Variants in RCOR1 observed in about 807,000 individuals in gnomAD.
RCOR1 encodes the protein REST corepressor 1.
Under a neutral mutation model 64.0 loss-of-function variants are expected in RCOR1, and 12 were observed. That is an observed-to-expected ratio of 0.19 (90% CI 0.12 to 0.30). RCOR1 has a LOEUF of 0.30. RCOR1 is among the 10% of genes least tolerant of loss of function. The probability of loss-of-function intolerance (pLI) is 1.00; values close to 1 mark genes in which losing one functional copy is unlikely to be tolerated. For missense variants in RCOR1, 502 were observed against 621.2 expected, an observed-to-expected ratio of 0.81 and a Z score of 2.04; for synonymous variants, 279 against 227.2, an observed-to-expected ratio of 1.23 and a Z score of -2.05.
chr14:102,706,602 G>T (rs2139983107), intron 4 of RCOR1, among the ~76,000 whole-genome samples: 1 of 152,194 alleles, frequency 6.6e-6, no homozygotes, highest in Admixed American at 6.5e-5. Context: ...AAAGTGGGTA[G>T]ATCACTTGAG....
intron 2 of RCOR1, among the ~76,000 whole-genome samples, chr14:102,681,204 T>C (rs1199668760): frequency 6.6e-6 from 1 of 152,172 alleles, no homozygotes; most frequent in Non-Finnish European, 1.5e-5. Context: ...CAGAGTAATT[T>C]ATTTAAAGGA....
chr14:102,595,769 C>T (rs988413242), intron 2 of RCOR1, among the ~76,000 whole-genome samples: 1 of 151,800 alleles, frequency 6.6e-6, no homozygotes, highest in Non-Finnish European at 1.5e-5. Flanking sequence ...TTAGTGGAGA[C>T]GGGGTTTCAC....
At chr14:102,600,806 G>A (rs1291155720) in intron 2 of RCOR1, among the ~76,000 whole-genome samples, 1 of 151,402 alleles carries the variant, frequency 6.6e-6, no homozygotes, top group Non-Finnish European at 1.5e-5. Context: ...TCCTGACCTC[G>A]TGATCTGCCC....
At chr14:102,695,983 T>C (rs1441096416) in intron 3 of RCOR1, among the ~76,000 whole-genome samples, 1 of 152,132 alleles carries the variant, frequency 6.6e-6, no homozygotes, top group African/African-American at 2.4e-5. Flanking sequence ...AAAAAAAAGA[T>C]TGTAAAGAGC....
At chr14:102,662,603 T>G (rs891898175) in intron 2 of RCOR1, 13 of 450,206 alleles carry the variant, frequency 2.9e-5, no homozygotes, top group Non-Finnish European at 4.2e-5. Context: ...CTTTTTTTTT[T>G]CCGGCTGTGG....
intron 3 of RCOR1, among the ~76,000 whole-genome samples, chr14:102,684,368 C>T (rs1466595016): frequency 6.6e-6 from 1 of 152,078 alleles, no homozygotes; most frequent in Non-Finnish European, 1.5e-5. Flanking sequence ...GGTGGAAGGG[C>T]CTTGGGGTGC....
At chr14:102,688,538 T>C (rs963500209) in intron 3 of RCOR1, among the ~76,000 whole-genome samples, 2 of 152,120 alleles carry the variant, frequency 1.3e-5, no homozygotes, top group African/African-American at 2.4e-5. Context: ...CAATTCCAAG[T>C]CAGAGAAGTT....
At chr14:102,678,967 A>T (rs1467595683) in intron 2 of RCOR1, among the ~76,000 whole-genome samples, 2 of 152,238 alleles carry the variant, frequency 1.3e-5, no homozygotes, top group Non-Finnish European at 2.9e-5. Flanking sequence ...CATTTTAAAA[A>T]AATTGTGTTA....
At chr14:102,702,262 T>C (rs1895769784) in intron 4 of RCOR1, among the ~76,000 whole-genome samples, 1 of 152,088 alleles carries the variant, frequency 6.6e-6, no homozygotes, top group Non-Finnish European at 1.5e-5. Flanking sequence ...GAAGCTACTT[T>C]TGATTGCAAA....
chr14:102,677,133 A>G (rs1481815202), intron 2 of RCOR1, among the ~76,000 whole-genome samples: 1 of 122,172 alleles, frequency 8.2e-6, no homozygotes, highest in Non-Finnish European at 1.7e-5. Flanking sequence ...CACCTCCCGG[A>G]CGGGGCGGCT....
chr14:102,713,575 C>T (rs1038965935), intron 7 of RCOR1, among the ~76,000 whole-genome samples: 9 of 151,754 alleles, frequency 5.9e-5, no homozygotes, highest in African/African-American at 2.2e-4. Flanking sequence ...AGCCACCATG[C>T]CCAGCCACCT....
At chr14:102,688,106 A>G (rs556515389) in intron 3 of RCOR1, among the ~76,000 whole-genome samples, 46 of 151,954 alleles carry the variant, frequency 3.0e-4, no homozygotes, top group Non-Finnish European at 5.6e-4. Context: ...AGCTGGGATT[A>G]CATGCGTGTG....
intron 2 of RCOR1, among the ~76,000 whole-genome samples, chr14:102,614,834 ATT>A (rs771047712): frequency 4.2e-5 from 6 of 144,428 alleles, no homozygotes; most frequent in Admixed American, 6.9e-5. Context: ...TTTCTGAATA[ATT>A]TTTTTTTTTT....
At chr14:102,617,647 T>C (rs1182472913) in intron 2 of RCOR1, among the ~76,000 whole-genome samples, 1 of 148,036 alleles carries the variant, frequency 6.8e-6, no homozygotes, top group Non-Finnish European at 1.5e-5. Context: ...TGGAGTGCAG[T>C]GGCACAGACT....
At chr14:102,726,145 G>A (rs1029725704) in intron 11 of RCOR1, among the ~76,000 whole-genome samples, 3 of 151,946 alleles carry the variant, frequency 2.0e-5, no homozygotes, top group African/African-American at 7.2e-5. Context: ...CGGCCAACAT[G>A]GTGAAACCCC....
At position 102,728,371 on chromosome 14, in the gene RCOR1, T is replaced by G. The variant is rs1468601883; in HGVS notation, c.*1865T>G. 6.6e-6 allele frequency: 1 copy of G among 152,144 alleles called. No homozygotes were observed. The highest frequency in any genetic ancestry group is 2.4e-5 in the African/African-American group (1 of 41,416). The allele number at this position is 152,144 out of a possible 1,614,324, so 9.4% of individuals were successfully genotyped here. ...TAACACTAGTGATGAGGGAGAGGCTTCTTTTCACCATAAGCCTGCTGTGTA... is the reference window on the plus strand; with the variant it reads ...TAACACTAGTGATGAGGGAGAGGCTGCTTTTCACCATAAGCCTGCTGTGTA... On this transcript the variant is annotated 3_prime_UTR_variant, in exon 12 of 12. Coordinates refer to ENST00000262241, the MANE Select transcript of RCOR1 (RefSeq NM_015156.4).
intron 2 of RCOR1, among the ~76,000 whole-genome samples, chr14:102,621,174 G>A (rs1465873235): frequency 2.6e-5 from 4 of 152,160 alleles, no homozygotes; most frequent in East Asian, 3.9e-4. Flanking sequence ...ATCTAACTGC[G>A]TTGCCTAGGC....
intron 3 of RCOR1, among the ~76,000 whole-genome samples, chr14:102,687,973 T>C (rs1412891000): frequency 6.6e-6 from 1 of 151,524 alleles, no homozygotes; most frequent in Non-Finnish European, 1.5e-5. Context: ...CCTTTTTTTT[T>C]TTTTTTTTTT....
chr14:102,593,600 G>A (rs1893180268), intron 2 of RCOR1, among the ~76,000 whole-genome samples: 2 of 152,202 alleles, frequency 1.3e-5, no homozygotes, highest in Admixed American at 6.5e-5. Flanking sequence ...GTCGGAGGTG[G>A]CCACACCTGG....
Sources: allele counts gnomAD v4.1 joint callset (sites outside exome capture counted in the v4.1 genomes callset), GRCh38; gene constraint gnomAD v4.1.1; transcripts MANE v1.5; gene names NCBI Gene and HGNC (gene_info 2026-07-23, HGNC 2026-07-21).